The following LUZP2 variants were observed in gnomAD, a reference collection of about 807,000 sequenced individuals.
LUZP2 encodes the protein leucine zipper protein 2.
In LUZP2, 52 loss-of-function variants were observed where a neutral mutation model predicts 51.6. The ratio of observed to expected loss-of-function variants is 1.01; its 90% CI spans 0.81 to 1.27. The LOEUF (loss-of-function observed/expected upper bound fraction) is 1.27, where lower values mean the gene tolerates loss of function less well. Ranked by LOEUF, LUZP2 falls within the 50% of genes most tolerant of loss-of-function variation. The pLI is 0.00. For synonymous variants in LUZP2, 154 were observed against 137.3 expected (o/e 1.12, Z -0.85); for missense variants, 436 against 395.4 (o/e 1.10, Z -0.87).
chr11:24,665,122 G>C (rs973593509), intron 1 of LUZP2, among the ~76,000 whole-genome samples: 1 of 152,122 alleles, frequency 6.6e-6, no homozygotes, highest in South Asian at 2.1e-4. Flanking sequence ...AGACAGAGAG[G>C]CCACTTCTTG....
At chr11:24,729,308 C>A in intron 2 of LUZP2, 22 bp downstream of exon 2, 3 of 1,324,664 alleles carry the variant, frequency 2.3e-6, no homozygotes, top group Non-Finnish European at 3.1e-6. Flanking sequence ...ACTCATTTTC[C>A]GAGCAGTAAA....
At chr11:24,811,199 T>C (rs184570036) in intron 5 of LUZP2, among the ~76,000 whole-genome samples, 14 of 152,278 alleles carry the variant, frequency 9.2e-5, no homozygotes, top group African/African-American at 3.1e-4. Flanking sequence ...GATTTGAGGC[T>C]AGCCACCAAA....
chr11:24,524,647 A>T lies in LUZP2; in HGVS notation c.62+27342A>T, dbSNP rs187729790. Among the ~76,000 whole-genome samples the T allele has an allele frequency of 1.3e-3, 205 of 151,856 alleles. 4 individuals carry two copies. Among genetic ancestry groups the T allele is most frequent in the African/African-American group, 4.7e-3 (194 of 41,522 alleles). ...CAGGTCTGTGGCAGAAGCAACCAAT[A>T]GTACAGTTCTAACAAGGTGAAGTGA... On this transcript the variant is annotated intron_variant, in intron 1 of 11. Transcript: ENST00000336930.
At chr11:24,755,329 C>A (rs1378757037) in intron 4 of LUZP2, among the ~76,000 whole-genome samples, 1 of 152,116 alleles carries the variant, frequency 6.6e-6, no homozygotes, top group Non-Finnish European at 1.5e-5. Flanking sequence ...ACATTGACCA[C>A]CTTTTTGGTG....
chr11:24,976,115 G>A (rs1235572468), intron 7 of LUZP2, among the ~76,000 whole-genome samples: 3 of 151,692 alleles, frequency 2.0e-5, no homozygotes, highest in Admixed American at 6.6e-5. Flanking sequence ...CTCTCCTTAT[G>A]TGAACATGTG....
intron 1 of LUZP2, among the ~76,000 whole-genome samples, chr11:24,622,131 A>ATTT (rs1286949532): frequency 1.3e-5 from 2 of 150,918 alleles, no homozygotes; most frequent in African/African-American, 4.9e-5. Flanking sequence ...TTTTTTTTTA[A>ATTT]TGTTATTATT....
At chr11:24,591,371 G>A (rs1336382598) in intron 1 of LUZP2, among the ~76,000 whole-genome samples, 2 of 152,132 alleles carry the variant, frequency 1.3e-5, no homozygotes, top group Non-Finnish European at 2.9e-5. Flanking sequence ...CACCGCTGAT[G>A]CCTTTCTGAA....
intron 1 of LUZP2, among the ~76,000 whole-genome samples, chr11:24,527,069 C>T (rs552085146): frequency 1.3e-5 from 2 of 151,304 alleles, no homozygotes; most frequent in Non-Finnish European, 3.0e-5. Flanking sequence ...GAGTCAGTGG[C>T]GACCCTCCAT....
At chr11:24,837,642 G>C (rs1213150479) in intron 5 of LUZP2, among the ~76,000 whole-genome samples, 1 of 151,636 alleles carries the variant, frequency 6.6e-6, no homozygotes, top group East Asian at 1.9e-4. Context: ...AAGCTTTGAG[G>C]ACAGAAAGAC....
intron 1 of LUZP2, among the ~76,000 whole-genome samples, chr11:24,725,898 G>A (rs1858458315): frequency 6.6e-6 from 1 of 152,090 alleles, no homozygotes; most frequent in Non-Finnish European, 1.5e-5. Context: ...GATACACCGG[G>A]AAGGAAGATG....
chr11:24,679,175 A>G (rs1268809176), intron 1 of LUZP2, among the ~76,000 whole-genome samples: 1 of 152,208 alleles, frequency 6.6e-6, no homozygotes, highest in Non-Finnish European at 1.5e-5. Flanking sequence ...GAGCCTCATC[A>G]GTGTCAAATA....
chr11:24,539,749 C>A (rs991920943), intron 1 of LUZP2, among the ~76,000 whole-genome samples: 17 of 151,988 alleles, frequency 1.1e-4, no homozygotes, highest in Non-Finnish European at 1.5e-5. Flanking sequence ...ACTTAAGCCA[C>A]CATTTTGTGG....
At chr11:24,897,118 C>T (rs1388671189) in intron 5 of LUZP2, among the ~76,000 whole-genome samples, 1 of 152,152 alleles carries the variant, frequency 6.6e-6, no homozygotes, top group Non-Finnish European at 1.5e-5. Flanking sequence ...TTACCTCTGG[C>T]TAGAGGATTG....
At chr11:25,016,240 G>A (rs1276364262) in intron 9 of LUZP2, among the ~76,000 whole-genome samples, 1 of 151,842 alleles carries the variant, frequency 6.6e-6, no homozygotes, top group Non-Finnish European at 1.5e-5. Flanking sequence ...AAATTTTAAT[G>A]CACCTGCCAT....
At chr11:24,530,490 C>A (rs1270794224) in intron 1 of LUZP2, among the ~76,000 whole-genome samples, 1 of 150,676 alleles carries the variant, frequency 6.6e-6, no homozygotes, top group Non-Finnish European at 1.5e-5. Flanking sequence ...CATAAACACC[C>A]TGCTTTGATC....
At chr11:24,507,305 T>C (rs1850172380) in intron 1 of LUZP2, among the ~76,000 whole-genome samples, 2 of 152,098 alleles carry the variant, frequency 1.3e-5, no homozygotes. Context: ...TTCATCTCTT[T>C]ACCATTTACT....
intron 1 of LUZP2, among the ~76,000 whole-genome samples, chr11:24,603,370 A>T (rs891173539): frequency 4.0e-5 from 6 of 151,868 alleles, no homozygotes; most frequent in Non-Finnish European, 7.4e-5. Flanking sequence ...GGTTTAATTC[A>T]TTAACTTCCA....
At chr11:25,025,654 G>A (rs1015151945) in intron 9 of LUZP2, among the ~76,000 whole-genome samples, 1 of 152,036 alleles carries the variant, frequency 6.6e-6, no homozygotes, top group Admixed American at 6.6e-5. Flanking sequence ...CAGGTGCTGG[G>A]GAGGATGTGG....
chr11:24,771,994 A>G (rs1860439513), intron 5 of LUZP2, among the ~76,000 whole-genome samples: 1 of 152,206 alleles, frequency 6.6e-6, no homozygotes, highest in Non-Finnish European at 1.5e-5. Context: ...CTTTATTAGC[A>G]GCATGAGAAG....
Sources: gnomAD v4.1 joint callset for allele counts (sites outside exome capture counted in the v4.1 genomes callset) on GRCh38, gnomAD v4.1.1 for gene constraint, MANE v1.5 for transcripts, NCBI Gene and HGNC (gene_info 2026-07-23, HGNC 2026-07-21) for gene names.